The following SLC7A14 variants were observed in gnomAD, a reference collection of about 807,000 sequenced individuals.
SLC7A14 encodes the protein gamma-aminobutyric acid transporter SLC7A14.
A neutral mutation model predicts 60.2 loss-of-function variants in SLC7A14; 37 were observed. The ratio of observed to expected loss-of-function variants is 0.61; its 90% CI spans 0.47 to 0.81. The LOEUF (loss-of-function observed/expected upper bound fraction) is 0.81, where lower values mean the gene tolerates loss of function less well. SLC7A14 is among the 30% of genes least tolerant of loss of function. The pLI is 0.00. For missense variants in SLC7A14, 886 were observed against 982.7 expected, an observed-to-expected ratio of 0.90 and a Z score of 1.32; for synonymous variants, 399 against 395.8, an observed-to-expected ratio of 1.01 and a Z score of -0.10.
At chr3:170,554,219 A>T (rs1458451745) in intron 1 of SLC7A14, among the ~76,000 whole-genome samples, 1 of 152,224 alleles carries the variant, frequency 6.6e-6, no homozygotes, top group Non-Finnish European at 1.5e-5. Context: ...CATGCTGGGC[A>T]TGGCTAGGAG....
At position 170,507,282 on chromosome 3, in the gene SLC7A14, A is replaced by G. The variant is rs192230426; in HGVS notation, c.305-5937T>C. 2.2e-3 allele frequency among the ~76,000 whole-genome samples: 337 copies of G among 152,378 alleles called. 1 individual carries two copies. The highest frequency in any genetic ancestry group is 7.8e-3 in the African/African-American group (323 of 41,592). On this transcript the variant is annotated intron_variant, in intron 2 of 7. Coordinates refer to ENST00000231706, the MANE Select transcript of SLC7A14 (RefSeq NM_020949.3). ...TGAGGAAGTGCAATGAATGACAGAG[A>G]CACAAATGGTAAGACAGATTTCCTG...
Position 170,486,280 on chromosome 3 carries a change from G to A in SLC7A14, c.848C>T (p.Thr283Met), listed in dbSNP as rs749136940. 17 of 1,614,124 alleles carry A rather than the reference G, an allele frequency of 1.1e-5. No homozygotes were observed. The highest frequency in any genetic ancestry group is 4.4e-5 in the South Asian group (4 of 91,086). Reference protein sequence around the residue: ...TTGEEAKNPNTSIPYAITASL... With the variant: ...TTGEEAKNPNMSIPYAITASL... Reference sequence around the variant, plus strand: ...GGCAGTGATAGCATAAGGGATGGACGTGTTGGGATTCTTGGCTTCCTCTCC... The same window carrying A: ...GGCAGTGATAGCATAAGGGATGGACATGTTGGGATTCTTGGCTTCCTCTCC... The change falls in exon 5 of 8, where the codon ACG (threonine) becomes ATG (methionine). Residue 283 changes from threonine (T) to methionine (M), a missense_variant. Transcript: ENST00000231706.
rs1715358368 is a variant in SLC7A14, at chr3:170,585,488, T to G, written c.-153+423A>C. On this transcript the variant is annotated intron_variant, in intron 1 of 7. Transcript: ENST00000231706. This position sits in a 1 kb window ranked among gnomAD's most constrained non-coding sequence, Gnocchi z 5.1. ...CCGAGGCGGAGAACGGAGCTGCCCG[T>G]GCGGGGTGCGCGCCAAGGCGGGGGA... Among the ~76,000 whole-genome samples, 1 of 152,154 alleles carries G rather than the reference T, an allele frequency of 6.6e-6. No individual in the cohort carries two copies. Among genetic ancestry groups the G allele is most frequent in the Admixed American group, 6.5e-5 (1 of 15,290 alleles).
At chr3:170,496,351 T>A in intron 4 of SLC7A14, 1 of 1,324,432 alleles carries the variant, frequency 7.6e-7, no homozygotes, top group Non-Finnish European at 1.1e-6. Context: ...AAGACTTAGA[T>A]CTCCGAGATG....
At chr3:170,527,198 G>A (rs1577538385) in intron 1 of SLC7A14, 110 bp from the exon 2 acceptor site, 6 of 511,888 alleles carry the variant, frequency 1.2e-5, no homozygotes, top group African/African-American at 1.9e-5. Context: ...TGGTCTACCC[G>A]TGTGCTCATA....
At chr3:170,541,577 C>T (rs1002316636) in intron 1 of SLC7A14, among the ~76,000 whole-genome samples, 1 of 152,162 alleles carries the variant, frequency 6.6e-6, no homozygotes, top group African/African-American at 2.4e-5. Flanking sequence ...CAGTTTGGGT[C>T]ATAGAGCAAG....
At chr3:170,488,936 C>A (rs1020080756) in intron 4 of SLC7A14, among the ~76,000 whole-genome samples, 1 of 152,100 alleles carries the variant, frequency 6.6e-6, no homozygotes, top group Non-Finnish European at 1.5e-5. Flanking sequence ...ACTCATTCAC[C>A]TTTTTGTACT....
chr3:170,575,785 A>G (rs2052398), intron 1 of SLC7A14, among the ~76,000 whole-genome samples: 53,008 of 152,038 alleles, frequency 0.35, 9,446 homozygotes, highest in East Asian at 0.46. Flanking sequence ...GGAAAAGAGC[A>G]TGGTAGGGTG....
intron 1 of SLC7A14, among the ~76,000 whole-genome samples, chr3:170,537,956 T>C (rs1410619200): frequency 6.6e-6 from 1 of 152,214 alleles, no homozygotes; most frequent in African/African-American, 2.4e-5. Flanking sequence ...AAACATATTT[T>C]TTTTCTTGCA....
chr3:170,501,243 C>T lies in SLC7A14; in HGVS notation c.407G>A (p.Gly136Asp). The T allele has an allele frequency of 6.2e-7, 1 of 1,614,168 alleles. No homozygotes were observed. Among genetic ancestry groups the T allele is most frequent in the Non-Finnish European group, 8.5e-7 (1 of 1,180,024 alleles). The change falls in exon 3 of 8, where the codon GGC (glycine) becomes GAC (aspartate). Residue 136 changes from glycine to aspartate, a missense_variant. Transcript: ENST00000231706. ...TVGEFVAFFI[G>D]WNLILEYLIG... is the part of the protein sequence containing the mutation. Reference sequence around the variant, plus strand: ...CAGGTACTCCAGGATCAGGTTCCAGCCAATGAAAAATGCCACAAATTCCCC... The same window carrying T: ...CAGGTACTCCAGGATCAGGTTCCAGTCAATGAAAAATGCCACAAATTCCCC...
intron 1 of SLC7A14, among the ~76,000 whole-genome samples, chr3:170,581,101 C>A (rs1206585507): frequency 6.6e-6 from 1 of 152,114 alleles, no homozygotes; most frequent in Non-Finnish European, 1.5e-5. Context: ...TGAATAAAGA[C>A]TTGTTATTTA....
At chr3:170,483,262 C>T (rs1268218598) in intron 6 of SLC7A14, 52 bp downstream of exon 6, 3 of 1,597,284 alleles carry the variant, frequency 1.9e-6, no homozygotes, top group Admixed American at 1.7e-5. Flanking sequence ...TAGACATTCT[C>T]CCTGGACAGA....
intron 1 of SLC7A14, among the ~76,000 whole-genome samples, chr3:170,577,579 C>T (rs1267790069): frequency 1.4e-5 from 2 of 143,342 alleles, no homozygotes; most frequent in African/African-American, 5.1e-5. Flanking sequence ...GATTGCGCCA[C>T]TGCAGTCCGC....
chr3:170,546,246 T>C (rs1714178362), intron 1 of SLC7A14, among the ~76,000 whole-genome samples: 1 of 152,228 alleles, frequency 6.6e-6, no homozygotes, highest in Admixed American at 6.5e-5. Context: ...CACCAGGATT[T>C]CCAGTGACCT....
chr3:170,510,396 A>AAT (rs2108285464), intron 2 of SLC7A14, among the ~76,000 whole-genome samples: 1 of 143,432 alleles, frequency 7.0e-6, no homozygotes, highest in South Asian at 2.3e-4. Context: ...TCAAAAAAAA[A>AAT]AAAATAAATA....
At chr3:170,495,496 C>A (rs1218385619) in intron 4 of SLC7A14, 3 of 854,252 alleles carry the variant, frequency 3.5e-6, no homozygotes, top group Admixed American at 2.2e-5. Flanking sequence ...GGCCCCCAGG[C>A]CTTTAGCAGC....
intron 1 of SLC7A14, among the ~76,000 whole-genome samples, chr3:170,581,963 C>G (rs1715247876): frequency 6.6e-6 from 1 of 152,102 alleles, no homozygotes; most frequent in Non-Finnish European, 1.5e-5. Flanking sequence ...TACATGTAAT[C>G]TATAAACTTG....
intron 1 of SLC7A14, among the ~76,000 whole-genome samples, chr3:170,541,842 T>C (rs1714026136): frequency 6.6e-6 from 1 of 152,210 alleles, no homozygotes; most frequent in African/African-American, 2.4e-5. Context: ...ATCTTTTCTG[T>C]GGTCAGGATC....
chr3:170,515,323 A>ACC (rs1300185273), intron 2 of SLC7A14, among the ~76,000 whole-genome samples: 7 of 131,242 alleles, frequency 5.3e-5, no homozygotes, highest in African/African-American at 2.2e-4. Flanking sequence ...CCCCCCCCAA[A>ACC]AAAAAAATAT....
Sources: allele counts gnomAD v4.1 joint callset (sites outside exome capture counted in the v4.1 genomes callset), GRCh38; gene constraint gnomAD v4.1.1; non-coding constraint Gnocchi (gnomAD v3.1); transcripts MANE v1.5; gene names NCBI Gene and HGNC (gene_info 2026-07-23, HGNC 2026-07-21).